Variants in DNAJC5B observed in about 807,000 individuals in gnomAD.
DNAJC5B encodes DnaJ heat shock protein family (Hsp40) member C5 beta.
A neutral mutation model predicts 24.7 loss-of-function variants in DNAJC5B; 23 were observed. That is an observed-to-expected ratio of 0.93 (90% CI 0.67 to 1.32). The LOEUF (loss-of-function observed/expected upper bound fraction) is 1.32, where lower values mean the gene tolerates loss of function less well. Among genes scored for constraint, DNAJC5B ranks in the 40% most tolerant of loss-of-function variants. The pLI is 0.00. For synonymous variants in DNAJC5B, 101 were observed against 90.1 expected, an observed-to-expected ratio of 1.12 and a Z score of -0.68; for missense variants, 238 against 240.8, an observed-to-expected ratio of 0.99 and a Z score of 0.08.
At position 66,097,442 on chromosome 8, in the gene DNAJC5B, TTA is replaced by T. The variant is rs1167177935; in HGVS notation, c.506-2491_506-2490del. Reference sequence around the variant, plus strand: ...CCTATTTCTGACTTATACATTATTTTTATATTTTAGATTTTTCTCAATTTTAA... The same window carrying T: ...CCTATTTCTGACTTATACATTATTTTTATTTTAGATTTTTCTCAATTTTAA... On this transcript the variant is annotated intron_variant, in intron 5 of 5. Transcript: ENST00000276570. Among the ~76,000 whole-genome samples the T allele has an allele frequency of 3.9e-5, 6 of 152,146 alleles. No homozygotes were observed. The East Asian group carries it at 1.2e-3, about 29-fold the overall frequency.
At chr8:66,024,133 G>A (rs1039013519) in intron 1 of DNAJC5B, among the ~76,000 whole-genome samples, 1 of 152,192 alleles carries the variant, frequency 6.6e-6, no homozygotes, top group Admixed American at 6.5e-5. Context: ...TGTACTTCCT[G>A]TAAGGATTTT....
upstream of DNAJC5B, among the ~76,000 whole-genome samples, chr8:66,018,473 C>T (rs1160534544): frequency 6.6e-6 from 1 of 152,060 alleles, no homozygotes; most frequent in South Asian, 2.1e-4. Flanking sequence ...GAGCTGAGAT[C>T]GTGCCACTGC....
chr8:66,088,748 A>G (rs1204625439), intron 5 of DNAJC5B, among the ~76,000 whole-genome samples: 1 of 152,150 alleles, frequency 6.6e-6, no homozygotes, highest in African/African-American at 2.4e-5. Context: ...CAGTCTCTGC[A>G]TGAGTGACCT....
intron 5 of DNAJC5B, 59 bp downstream of exon 5, chr8:66,080,607 A>T: frequency 6.9e-7 from 1 of 1,442,346 alleles, no homozygotes; most frequent in Non-Finnish European, 9.3e-7. Context: ...AGCAAGCACC[A>T]GGTCCCACGG....
intron 1 of DNAJC5B, among the ~76,000 whole-genome samples, chr8:66,031,851 CA>C (rs1196795893): frequency 6.6e-6 from 1 of 152,224 alleles, no homozygotes; most frequent in Non-Finnish European, 1.5e-5. Context: ...TCACCCAAAA[CA>C]CCCACGCAGA....
At chr8:66,016,577 G>A (rs1400007740), upstream of DNAJC5B, among the ~76,000 whole-genome samples, 1 of 152,136 alleles carries the variant, frequency 6.6e-6, no homozygotes, top group African/African-American at 2.4e-5. Context: ...TTTCTTCATA[G>A]CAGCGTGAAG....
intron 5 of DNAJC5B, among the ~76,000 whole-genome samples, chr8:66,089,881 A>G (rs1029634382): frequency 3.8e-4 from 58 of 152,200 alleles, no homozygotes; most frequent in African/African-American, 1.2e-3. Context: ...TATACTCCCA[A>G]TGAGATCCCA....
rs747204756 is a variant in DNAJC5B at position 66,080,542 on chromosome 8, GA to G, written c.504del (p.Asp169MetfsTer19). On this transcript the variant is annotated frameshift_variant, in exon 5 of 6. Coordinates refer to ENST00000276570, the MANE Select transcript of DNAJC5B (RefSeq NM_033105.6). LOFTEE classifies it high-confidence loss of function. ...GGAGGAGCAGATCAAGTCTGACATGGAAAAAGGTGGGGTAGGATGAGAGCAG... is the reference window on the plus strand; with the variant it reads ...GGAGGAGCAGATCAAGTCTGACATGGAAAAGGTGGGGTAGGATGAGAGCAG... Reference protein sequence around the residue: ...DLEEQIKSDMEKDVDFPVFLQ... With the variant: ...DLEEQIKSDMXKDVDFPVFLQ... 4.4e-6 allele frequency: 7 copies of G among 1,605,358 alleles called. No homozygotes were observed. Among genetic ancestry groups the G allele is most frequent in the South Asian group, 2.2e-5 (2 of 89,780 alleles).
intron 1 of DNAJC5B, among the ~76,000 whole-genome samples, chr8:66,041,877 A>G (rs1360969183): frequency 6.6e-6 from 1 of 152,216 alleles, no homozygotes; most frequent in Non-Finnish European, 1.5e-5. Flanking sequence ...GTATGACAGC[A>G]CACATCAGAA....
intron 3 of DNAJC5B, among the ~76,000 whole-genome samples, chr8:66,064,793 G>A (rs116441372): frequency 6.6e-6 from 1 of 152,184 alleles, no homozygotes; most frequent in African/African-American, 2.4e-5. Flanking sequence ...AGAAGTTCAG[G>A]TCCTCATCCC....
intron 5 of DNAJC5B, among the ~76,000 whole-genome samples, chr8:66,099,565 T>C (rs1808028191): frequency 6.6e-6 from 1 of 152,146 alleles, no homozygotes; most frequent in African/African-American, 2.4e-5. Flanking sequence ...TAGATATACG[T>C]TGTAGTCTAT....
chr8:66,099,959 C>G lies in DNAJC5B; in HGVS notation c.528C>G (p.Leu176=), dbSNP rs763809416. The change falls in exon 6 of 6, where the codon CTC becomes CTG. Residue 176 remains leucine, a synonymous_variant. Transcript: ENST00000276570. ...TAGATGTGGACTTTCCAGTTTTTCT[C>G]CAGCCTACAAATGCAAATGAGAAAA... ...MEKDVDFPVF[L]QPTNANEKTQ... The G allele has an allele frequency of 4.2e-5, 67 of 1,613,720 alleles. 1 individual carries two copies. In the East Asian group the frequency reaches 1.5e-3, roughly 36 times the overall value.
intron 2 of DNAJC5B, among the ~76,000 whole-genome samples, chr8:66,045,022 A>C (rs991638902): frequency 1.3e-5 from 2 of 152,226 alleles, no homozygotes; most frequent in Non-Finnish European, 2.9e-5. Flanking sequence ...ACAGTCATTA[A>C]AGGTTTCAAT....
rs574791679 is a variant in DNAJC5B at position 66,097,640 on chromosome 8, T to G, written c.506-2297T>G. On this transcript the variant is annotated intron_variant, in intron 5 of 5. Coordinates refer to ENST00000276570, the MANE Select transcript of DNAJC5B (RefSeq NM_033105.6). ...AATTGGGTCTGCAGTTAGAAAAATT[T>G]GTTTTTACTGACTGAAAATATCTTT... is the stretch of plus-strand genomic sequence containing the variant. Among the ~76,000 whole-genome samples the G allele has an allele frequency of 1.1e-4, 17 of 152,258 alleles. No individual in the cohort carries two copies. The South Asian group carries it at 1.2e-3, about 11-fold the overall frequency.
intron 1 of DNAJC5B, among the ~76,000 whole-genome samples, chr8:66,041,024 T>TA (rs1806596306): frequency 9.2e-6 from 1 of 109,014 alleles, no homozygotes; most frequent in African/African-American, 8.2e-5. Flanking sequence ...AGCTACATCT[T>TA]AGATAGAGTG....
intron 5 of DNAJC5B, among the ~76,000 whole-genome samples, chr8:66,097,322 A>T (rs1380824601): frequency 6.6e-6 from 1 of 151,772 alleles, no homozygotes; most frequent in East Asian, 1.9e-4. Flanking sequence ...AAAATTTATC[A>T]AATGTACTTA....
At chr8:66,071,269 A>G (rs1324634474) in intron 3 of DNAJC5B, among the ~76,000 whole-genome samples, 1 of 152,256 alleles carries the variant, frequency 6.6e-6, no homozygotes, top group Non-Finnish European at 1.5e-5. Flanking sequence ...GGCAACCTAC[A>G]GAATGGGAGA....
At chr8:66,062,378 A>G (rs1364107295) in intron 3 of DNAJC5B, among the ~76,000 whole-genome samples, 3 of 152,220 alleles carry the variant, frequency 2.0e-5, no homozygotes, top group East Asian at 3.8e-4. Context: ...TGATTCTGGG[A>G]CCTTCAAGTG....
chr8:66,040,817 C>T (rs1039014092), intron 1 of DNAJC5B, among the ~76,000 whole-genome samples: 4 of 152,154 alleles, frequency 2.6e-5, no homozygotes, highest in Non-Finnish European at 4.4e-5. Context: ...GCTTAGCCTT[C>T]GATAATTCTA....
Sources: allele counts gnomAD v4.1 joint callset (sites outside exome capture counted in the v4.1 genomes callset), GRCh38; gene constraint gnomAD v4.1.1; transcripts MANE v1.5; gene names NCBI Gene and HGNC (gene_info 2026-07-23, HGNC 2026-07-21).